PRSS23: variants seen among roughly 807,000 people sequenced by gnomAD.
PRSS23 encodes protease, serine 23.
PRSS23 carries 25 observed loss-of-function variants against 34.7 expected under a neutral mutation model. The ratio of observed to expected loss-of-function variants is 0.72; its 90% confidence interval spans 0.53 to 1.01. The LOEUF is 1.01. Among genes scored for constraint, PRSS23 ranks in the 50% least tolerant of loss-of-function variants. The probability of loss-of-function intolerance (pLI) is 0.00; values close to 1 mark genes in which losing one functional copy is unlikely to be tolerated. For synonymous variants in PRSS23, 176 were observed against 186.6 expected (o/e 0.94, Z 0.46); for missense variants, 445 against 475.6 (o/e 0.94, Z 0.60).
chr11:86,926,533 C>T (rs924501092), intron 2 of PRSS23, among the ~76,000 whole-genome samples: 6 of 152,098 alleles, frequency 3.9e-5, no homozygotes, highest in East Asian at 1.9e-4. Context: ...AACTCAAGGG[C>T]GGGAAGTGTG....
chr11:86,926,976 T>C (rs571811214), intron 2 of PRSS23, among the ~76,000 whole-genome samples: 8 of 152,218 alleles, frequency 5.3e-5, no homozygotes, highest in Non-Finnish European at 7.3e-5. Flanking sequence ...AGGTTACTTA[T>C]TGGGCCCCCT....
At chr11:86,870,322 C>G (rs1010508477) in intron 2 of PRSS23, among the ~76,000 whole-genome samples, 15 of 152,102 alleles carry the variant, frequency 9.9e-5, no homozygotes, top group African/African-American at 3.6e-4. Flanking sequence ...CCTATGTCAA[C>G]ATCCTGTCGT....
At chr11:86,829,495 G>A (rs1948332897) in intron 2 of PRSS23, among the ~76,000 whole-genome samples, 1 of 152,222 alleles carries the variant, frequency 6.6e-6, no homozygotes, top group African/African-American at 2.4e-5. Flanking sequence ...ACTCGTCAAA[G>A]TCATTCTCTG....
At chr11:86,928,932 G>A (rs763752302) in intron 2 of PRSS23, among the ~76,000 whole-genome samples, 5 of 151,932 alleles carry the variant, frequency 3.3e-5, no homozygotes, top group Non-Finnish European at 5.9e-5. Context: ...ATGTCCAAAT[G>A]TTCTGCAACA....
intron 2 of PRSS23, among the ~76,000 whole-genome samples, chr11:86,849,026 G>C (rs531022826): frequency 6.6e-6 from 1 of 152,282 alleles, no homozygotes; most frequent in East Asian, 1.9e-4. Flanking sequence ...AGGCCCCCTG[G>C]GCCAGAAGCA....
chr11:86,952,263 C>G (rs1424715275), exon 3 of PRSS23: 1 of 1,614,218 alleles, frequency 6.2e-7, no homozygotes, highest in South Asian at 1.1e-5. Flanking sequence ...GGCACCTCTT[C>G]ATCACCTGGC....
intron 2 of PRSS23, among the ~76,000 whole-genome samples, chr11:86,897,499 G>A (rs1356919095): frequency 6.6e-6 from 1 of 152,208 alleles, no homozygotes; most frequent in Non-Finnish European, 1.5e-5. Flanking sequence ...GAGATACAAA[G>A]TCTTGCTCTG....
At position 86,863,146 on chromosome 11, in the gene PRSS23, CT is replaced by C. The variant is rs1479458657; in HGVS notation, c.206+39554del. 1.1e-4 allele frequency among the ~76,000 whole-genome samples: 17 copies of C among 152,152 alleles called. No individual in the cohort carries two copies. The East Asian group carries it at 3.1e-3, about 28-fold the overall frequency. ...AAAGAAATATCCTAAGTAGATACGA[CT>C]CCTAATATCACACTTGGTGTACACT... On this transcript the variant is annotated intron_variant, in intron 2 of 2. Transcript: ENST00000533902.
intron 2 of PRSS23, among the ~76,000 whole-genome samples, chr11:86,879,751 C>T (rs1281791034): frequency 2.6e-4 from 31 of 118,278 alleles, no homozygotes; most frequent in South Asian, 8.3e-4. Flanking sequence ...CCCGGCCAGC[C>T]GCCCCGTCCG....
chr11:86,824,481 ATTT>A (rs1243859031), intron 2 of PRSS23, among the ~76,000 whole-genome samples: 1 of 149,446 alleles, frequency 6.7e-6, no homozygotes, highest in Non-Finnish European at 1.5e-5. Flanking sequence ...TTTAAATTTT[ATTT>A]TATTATTAGT....
chr11:86,831,082 G>A (rs1203492433), intron 2 of PRSS23, among the ~76,000 whole-genome samples: 1 of 151,886 alleles, frequency 6.6e-6, no homozygotes, highest in East Asian at 1.9e-4. Context: ...AATACTATTC[G>A]TAATATCCTA....
chr11:86,845,830 T>A (rs1344158193), intron 2 of PRSS23, among the ~76,000 whole-genome samples: 1 of 152,152 alleles, frequency 6.6e-6, no homozygotes, highest in Admixed American at 6.5e-5. Context: ...CCAGCAGACC[T>A]TATCTATGCT....
rs1218563682 is a variant in PRSS23 at position 86,879,102 on chromosome 11, A to ATCCCGTCTAGGAAGTGAGGAGCG, written c.206+55509_206+55510insTCCCGTCTAGGAAGTGAGGAGCG. On this transcript the variant is annotated intron_variant, in intron 2 of 2. Transcript: ENST00000533902. ...CCATCCCGTCTAGGAAGTGAGGAGC[A>ATCCCGTCTAGGAAGTGAGGAGCG]CCTCTTCCCGGCCGCCATCCCGTCT... Among the ~76,000 whole-genome samples, 7 of 90,652 alleles carry ATCCCGTCTAGGAAGTGAGGAGCG rather than the reference A, an allele frequency of 7.7e-5. 1 individual carries two copies. Among genetic ancestry groups the ATCCCGTCTAGGAAGTGAGGAGCG allele is most frequent in the East Asian group, 3.5e-4 (1 of 2,896 alleles). The allele number at this position is 90,652 out of a possible 152,430, so 59.5% of individuals were successfully genotyped here.
At chr11:86,878,183 ACT>A (rs1590908331) in intron 2 of PRSS23, among the ~76,000 whole-genome samples, 2 of 103,014 alleles carry the variant, frequency 1.9e-5, no homozygotes, top group Non-Finnish European at 3.7e-5. Context: ...ATAAAAATAC[ACT>A]TGAGAAAAAA....
At chr11:86,813,491 GGA>G (rs918409440), downstream of PRSS23, among the ~76,000 whole-genome samples, 1 of 152,148 alleles carries the variant, frequency 6.6e-6, no homozygotes, top group African/African-American at 2.4e-5. Flanking sequence ...ACTTGCTGGG[GGA>G]TACAGTCAAA....
At chr11:86,877,717 G>T (rs976994420) in intron 2 of PRSS23, among the ~76,000 whole-genome samples, 11 of 152,102 alleles carry the variant, frequency 7.2e-5, no homozygotes, top group Non-Finnish European at 1.5e-4. Flanking sequence ...GTGCCATACA[G>T]TCTTGATAAC....
chr11:86,850,633 G>A (rs1590893554), intron 2 of PRSS23, among the ~76,000 whole-genome samples: 2 of 152,224 alleles, frequency 1.3e-5, no homozygotes, highest in Admixed American at 6.5e-5. Flanking sequence ...AAGTATCCCT[G>A]TGTCCTCTCT....
At position 86,808,883 on chromosome 11, in the gene PRSS23, CGTG is replaced by C. The variant is rs991010309; in HGVS notation, c.*89_*91del. 6.3e-5 allele frequency: 56 copies of C among 888,202 alleles called. No individual in the cohort carries two copies. In the South Asian group the frequency reaches 8.8e-4, roughly 14 times the overall value. The allele number at this position is 888,202 out of a possible 1,614,324, so 55.0% of individuals were successfully genotyped here. A position where few individuals can be genotyped will look rare whatever the true frequency, so the allele number is the denominator to read the frequency against. ...TTGTTTTTTGTCATTGGCGTGCACA[CGTG>C]TGTGTGTGTGTGTGTGTGTGTGTAA... On this transcript the variant is annotated 3_prime_UTR_variant, in exon 2 of 2. Coordinates refer to ENST00000280258, the MANE Select transcript of PRSS23 (RefSeq NM_007173.6).
chr11:86,915,659 C>T (rs1445646935), intron 2 of PRSS23, among the ~76,000 whole-genome samples: 1 of 150,462 alleles, frequency 6.6e-6, no homozygotes, highest in Non-Finnish European at 1.5e-5. Flanking sequence ...AATATAGTAA[C>T]TGAAAGATAG....
Sources: gnomAD v4.1 joint callset for allele counts (sites outside exome capture counted in the v4.1 genomes callset) on GRCh38, gnomAD v4.1.1 for gene constraint, MANE v1.5 for transcripts, NCBI Gene and HGNC (gene_info 2026-07-23, HGNC 2026-07-21) for gene names.